Variants in SORD observed in about 807,000 individuals in gnomAD.
The protein encoded by SORD is sorbitol dehydrogenase.
A neutral mutation model predicts 35.6 loss-of-function variants in SORD; 18 were observed. The ratio of observed to expected loss-of-function variants is 0.51; its 90% CI spans 0.35 to 0.75. SORD has a LOEUF of 0.75. Among genes scored for constraint, SORD ranks in the 30% least tolerant of loss-of-function variants. The pLI is 0.01. For synonymous variants in SORD, 106 were observed against 152.9 expected, an observed-to-expected ratio of 0.69 and a Z score of 2.26; for missense variants, 250 against 390.2, an observed-to-expected ratio of 0.64 and a Z score of 3.03.
intron 1 of SORD, among the ~76,000 whole-genome samples, chr15:45,037,222 G>T (rs1192377309): frequency 6.6e-6 from 1 of 152,244 alleles, no homozygotes; most frequent in African/African-American, 2.4e-5. Flanking sequence ...TCTGCTACAG[G>T]CACAGCACAG....
At chr15:45,026,893 C>T (rs879796890) in intron 1 of SORD, among the ~76,000 whole-genome samples, 3,879 of 149,416 alleles carry the variant, frequency 0.026, no homozygotes, top group African/African-American at 0.078. Context: ...TTTACTTGTC[C>T]TTTAACTGGC....
chr15:45,029,148 C>G (rs74011313), intron 1 of SORD, among the ~76,000 whole-genome samples: 31,180 of 150,744 alleles, frequency 0.21, no homozygotes, highest in African/African-American at 0.44. Context: ...GCCCAAAGAA[C>G]CATCTTTCTT....
intron 3 of SORD, among the ~76,000 whole-genome samples, chr15:45,049,411 C>T (rs2467841): frequency 0.87 from 132,743 of 152,098 alleles, 57,983 homozygotes; most frequent in Middle Eastern, 0.92. Context: ...ATGTGTGGTT[C>T]CATTTGCATC....
At chr15:45,058,981 C>A (rs986232066) in intron 3 of SORD, among the ~76,000 whole-genome samples, 1 of 152,144 alleles carries the variant, frequency 6.6e-6, no homozygotes, top group Non-Finnish European at 1.5e-5. Flanking sequence ...ATGGAGCCCA[C>A]TGTGTACATG....
At chr15:45,048,485 G>A (rs905668940) in intron 3 of SORD, among the ~76,000 whole-genome samples, 6 of 152,190 alleles carry the variant, frequency 3.9e-5, no homozygotes, top group African/African-American at 1.4e-4. Context: ...AAGGCAGGAG[G>A]ATTGCTTGAG....
At chr15:45,038,301 T>TA (rs1386609652) in intron 1 of SORD, among the ~76,000 whole-genome samples, 1 of 152,176 alleles carries the variant, frequency 6.6e-6, no homozygotes, top group African/African-American at 2.4e-5. Context: ...GCCTTAGTGT[T>TA]ACCATGGGTG....
At chr15:45,064,806 A>C (rs1446834086) in intron 4 of SORD, among the ~76,000 whole-genome samples, 1 of 152,264 alleles carries the variant, frequency 6.6e-6, no homozygotes, top group Non-Finnish European at 1.5e-5. Flanking sequence ...TCCTTGTTAA[A>C]TAAACTTTTC....
At chr15:45,038,243 C>T (rs1892905930) in intron 1 of SORD, among the ~76,000 whole-genome samples, 1 of 151,858 alleles carries the variant, frequency 6.6e-6, no homozygotes, top group Non-Finnish European at 1.5e-5. Context: ...CTCCCTTAAG[C>T]CCTTTTGCCC....
At chr15:45,023,415 G>C in intron 1 of SORD, 66 bp downstream of exon 1, 1 of 1,318,452 alleles carries the variant, frequency 7.6e-7, no homozygotes, top group Non-Finnish European at 1.0e-6. Flanking sequence ...CCCAGCCATA[G>C]TCCTGGCTTC....
intron 1 of SORD, among the ~76,000 whole-genome samples, chr15:45,029,966 G>A (rs954114233): frequency 4.6e-5 from 7 of 152,214 alleles, no homozygotes; most frequent in African/African-American, 9.6e-5. Flanking sequence ...AAAGGTTAAC[G>A]TGAAGACACC....
chr15:45,040,416 T>A lies in SORD; in HGVS notation c.75T>A (p.Tyr25Ter). 3 of 1,568,052 alleles carry A rather than the reference T, an allele frequency of 1.9e-6. No individual in the cohort carries two copies. Among genetic ancestry groups the A allele is most frequent in the Non-Finnish European group, 2.6e-6 (3 of 1,138,540 alleles). The change falls in exon 2 of 9, where the codon TAT becomes TAA. Residue 25 changes from tyrosine (Y) to a stop codon, truncating the protein, a stop_gained. Coordinates refer to ENST00000267814, the MANE Select transcript of SORD (RefSeq NM_003104.6). LOFTEE classifies it high-confidence loss of function. ...HGPGDLRLEN[Y>*]PIPEPGPNEV... is the part of the protein sequence containing the mutation. Reference sequence around the variant, plus strand: ...AATTTTGTTTCTTTTAGGAGAACTATCCTATCCCTGAACCAGGCCCAAATG... The same window carrying A: ...AATTTTGTTTCTTTTAGGAGAACTAACCTATCCCTGAACCAGGCCCAAATG...
At chr15:45,044,005 C>T (rs1233056569) in intron 3 of SORD, among the ~76,000 whole-genome samples, 340 of 149,170 alleles carry the variant, frequency 2.3e-3, no homozygotes, top group African/African-American at 8.2e-3. Context: ...CTGTGCAGCC[C>T]GGAAATAAGG....
In SORD at chr15:45,039,293, T is replaced by C. The variant is rs548557230; in HGVS notation, c.67-1115T>C. Among the ~76,000 whole-genome samples, 4 of 152,320 alleles carry C rather than the reference T, an allele frequency of 2.6e-5. No individual in the cohort carries two copies. The South Asian group carries it at 8.3e-4, about 32-fold the overall frequency. ...ACAGGCGCGTGCCACCACGCCCGGC[T>C]AATTTTTGTATTTTTGGTAGAGATG... is the stretch of plus-strand genomic sequence containing the variant. On this transcript the variant is annotated intron_variant, in intron 1 of 8. Coordinates refer to ENST00000267814, the MANE Select transcript of SORD (RefSeq NM_003104.6).
chr15:45,071,612 C>T (rs892091614), intron 7 of SORD, among the ~76,000 whole-genome samples: 11 of 151,928 alleles, frequency 7.2e-5, no homozygotes, highest in African/African-American at 9.7e-5. Context: ...TGTCTCTCAC[C>T]GCACTGAGCA....
intron 1 of SORD, among the ~76,000 whole-genome samples, chr15:45,038,871 G>A (rs568567170): frequency 6.6e-6 from 1 of 152,214 alleles, no homozygotes; most frequent in South Asian, 2.1e-4. Context: ...TCTTCATGGG[G>A]CCCAGCTCTG....
intron 3 of SORD, among the ~76,000 whole-genome samples, chr15:45,054,024 T>C (rs1893172227): frequency 2.7e-5 from 4 of 149,042 alleles, no homozygotes; most frequent in Non-Finnish European, 6.0e-5. Context: ...TCTGCCACAT[T>C]TTCTTAATCC....
intron 1 of SORD, among the ~76,000 whole-genome samples, chr15:45,032,292 T>C (rs1366219339): frequency 6.6e-6 from 1 of 152,160 alleles, no homozygotes; most frequent in Non-Finnish European, 1.5e-5. Flanking sequence ...AGATGGTAAA[T>C]TTTATGTTAT....
intron 1 of SORD, among the ~76,000 whole-genome samples, chr15:45,030,233 A>T (rs1892753688): frequency 6.6e-6 from 1 of 152,250 alleles, no homozygotes; most frequent in South Asian, 2.1e-4. Context: ...AAGCAGGAGA[A>T]GAAGCAAGCA....
chr15:45,062,171 C>G (rs2576099), intron 4 of SORD, among the ~76,000 whole-genome samples: 113,939 of 148,766 alleles, frequency 0.77, 41,515 homozygotes, highest in Non-Finnish European at 0.88. Context: ...AAGAATAATG[C>G]TGAGGTGGGC....
Sources: allele counts gnomAD v4.1 joint callset (sites outside exome capture counted in the v4.1 genomes callset), GRCh38; gene constraint gnomAD v4.1.1; transcripts MANE v1.5; gene names NCBI Gene and HGNC (gene_info 2026-07-23, HGNC 2026-07-21).